Variants in SLC4A1AP observed in about 807,000 individuals in gnomAD.
The protein encoded by SLC4A1AP is kanadaptin.
A neutral mutation model predicts 89.7 loss-of-function variants in SLC4A1AP; 64 were observed. That is an observed-to-expected ratio of 0.71 (90% confidence interval 0.58 to 0.88). The LOEUF is 0.88. SLC4A1AP is among the 40% of genes least tolerant of loss of function. The pLI is 0.00. For synonymous variants in SLC4A1AP, 366 were observed against 353.3 expected (o/e 1.04, Z -0.40); for missense variants, 931 against 965.0 (o/e 0.96, Z 0.47).
In SLC4A1AP at chr2:27,672,826, C is replaced by T. The variant is rs187512407; in HGVS notation, c.1346-2706C>T. Among the ~76,000 whole-genome samples, 22 of 152,236 alleles carry T rather than the reference C, an allele frequency of 1.4e-4. No homozygotes were observed. The East Asian group carries it at 3.7e-3, about 25-fold the overall frequency. On this transcript the variant is annotated intron_variant, in intron 5 of 13. Coordinates refer to ENST00000613058, the Ensembl canonical transcript of SLC4A1AP. ...CCTTTTGGTTTTCCTCGTCTGTGAG[C>T]GAGATTCCCCAGAGAGTGCTCTTCC...
At chr2:27,669,470 G>C in intron 5 of SLC4A1AP, 83 bp downstream of exon 5, 1 of 1,309,740 alleles carries the variant, frequency 7.6e-7, no homozygotes, top group Non-Finnish European at 1.0e-6. Context: ...TTTATGGGGG[G>C]AAAATGTAAA....
intron 1 of SLC4A1AP, 109 bp downstream of exon 1, chr2:27,664,686 T>A: frequency 1.2e-6 from 1 of 837,674 alleles, no homozygotes; most frequent in Non-Finnish European, 1.9e-6. Context: ...ATTACGAAAG[T>A]GAAGGAATCA....
intron 6 of SLC4A1AP, among the ~76,000 whole-genome samples, chr2:27,675,957 C>G (rs1275810188): frequency 6.6e-6 from 1 of 152,086 alleles, no homozygotes; most frequent in African/African-American, 2.4e-5. Context: ...ATGATATTAC[C>G]TCTCTCAAAA....
intron 5 of SLC4A1AP, among the ~76,000 whole-genome samples, chr2:27,672,970 T>C (rs1230780809): frequency 6.6e-6 from 1 of 152,192 alleles, no homozygotes; most frequent in African/African-American, 2.4e-5. Context: ...TAGATTATAG[T>C]GCCCATGCCT....
chr2:27,694,538 C>A, intron 13 of SLC4A1AP, 96 bp from the exon 14 acceptor site: 1 of 833,490 alleles, frequency 1.2e-6, no homozygotes, highest in Non-Finnish European at 1.8e-6. Context: ...ACCTTTTTGT[C>A]TATTTTACTT....
chr2:27,693,432 T>C (rs545668862), intron 12 of SLC4A1AP: 1 of 437,520 alleles, frequency 2.3e-6, no homozygotes, highest in Non-Finnish European at 4.0e-6. Flanking sequence ...ACCTTTTGTT[T>C]TAAGATTTAG....
intron 5 of SLC4A1AP, among the ~76,000 whole-genome samples, chr2:27,671,923 T>C (rs1675432850): frequency 6.6e-6 from 1 of 152,240 alleles, no homozygotes; most frequent in African/African-American, 2.4e-5. Flanking sequence ...TTATTGTAGC[T>C]TCACTCCTGA....
At chr2:27,683,064 C>G (rs1675646407) in intron 9 of SLC4A1AP, among the ~76,000 whole-genome samples, 1 of 152,082 alleles carries the variant, frequency 6.6e-6, no homozygotes, top group East Asian at 1.9e-4. Flanking sequence ...TATGATTTTT[C>G]TTCATTTAAT....
At chr2:27,675,125 TATCACTCAGTGGCATTAAGTAC>T (rs1466240752) in intron 5 of SLC4A1AP, among the ~76,000 whole-genome samples, 3 of 152,274 alleles carry the variant, frequency 2.0e-5, no homozygotes, top group African/African-American at 7.2e-5. Flanking sequence ...ATTTTAAGAG[TATCACTCAGTGGCATTAAGTAC>T]ATTCACAATA....
intron 9 of SLC4A1AP, among the ~76,000 whole-genome samples, chr2:27,683,253 G>C (rs1675649148): frequency 6.6e-6 from 1 of 152,164 alleles, no homozygotes; most frequent in African/African-American, 2.4e-5. Context: ...CTGTCTGTAT[G>C]TTTTTGCTTT....
intron 5 of SLC4A1AP, among the ~76,000 whole-genome samples, chr2:27,673,981 A>T (rs527457298): frequency 6.7e-6 from 1 of 148,832 alleles, no homozygotes; most frequent in South Asian, 2.1e-4. Context: ...TCACCAGGAC[A>T]TATACAAGTT....
At chr2:27,665,171 G>A (rs762597138) in exon 2 of SLC4A1AP, 1 of 1,613,832 alleles carries the variant, frequency 6.2e-7, no homozygotes. Flanking sequence ...GCAAGCAGCA[G>A]CAAATATTGT....
intron 5 of SLC4A1AP, among the ~76,000 whole-genome samples, chr2:27,673,109 G>C (rs1177791090): frequency 6.6e-6 from 1 of 152,082 alleles, no homozygotes; most frequent in African/African-American, 2.4e-5. Context: ...TTCTCAACCA[G>C]TTTTTACTTA....
chr2:27,675,595 C>T (rs760349777), exon 6 of SLC4A1AP: 1 of 1,610,476 alleles, frequency 6.2e-7, no homozygotes, highest in South Asian at 1.1e-5. Flanking sequence ...GATGATGACA[C>T]ATTTCTTGAT....
At chr2:27,676,940 A>G (rs1011147177) in intron 6 of SLC4A1AP, among the ~76,000 whole-genome samples, 1 of 152,046 alleles carries the variant, frequency 6.6e-6, no homozygotes, top group African/African-American at 2.4e-5. Flanking sequence ...GGAGATTGAG[A>G]CCATCCTGGC....
At chr2:27,673,286 G>A (rs1056099858) in intron 5 of SLC4A1AP, among the ~76,000 whole-genome samples, 18 of 151,758 alleles carry the variant, frequency 1.2e-4, no homozygotes, top group African/African-American at 4.4e-4. Flanking sequence ...TAAAATTTGG[G>A]TCTTTATGAA....
chr2:27,669,337 T>G, exon 5 of SLC4A1AP: 2 of 1,613,538 alleles, frequency 1.2e-6, no homozygotes, highest in Non-Finnish European at 1.7e-6. Context: ...CAGTGCTCAT[T>G]GGAAGCTTGT....
intron 3 of SLC4A1AP, among the ~76,000 whole-genome samples, 191 bp downstream of exon 3, chr2:27,667,581 G>GA (rs905958220): frequency 6.6e-6 from 1 of 151,942 alleles, no homozygotes; most frequent in Non-Finnish European, 1.5e-5. Context: ...TGGCAGAGGG[G>GA]AAAAAAATCA....
chr2:27,664,200 C>G (rs1248606935), exon 1 of SLC4A1AP: 1 of 1,614,140 alleles, frequency 6.2e-7, no homozygotes, highest in East Asian at 2.2e-5. Flanking sequence ...CGGTCCAGCC[C>G]GGGCTCCCCC....
Sources: gnomAD v4.1 joint callset for allele counts (sites outside exome capture counted in the v4.1 genomes callset) on GRCh38, gnomAD v4.1.1 for gene constraint, MANE v1.5 for transcripts, NCBI Gene and HGNC (gene_info 2026-07-23, HGNC 2026-07-21) for gene names.